CHRNE: variants seen among roughly 807,000 people sequenced by gnomAD.
CHRNE encodes cholinergic receptor nicotinic epsilon subunit, also known as acetylcholine receptor subunit epsilon.
A neutral mutation model predicts 56.5 loss-of-function variants in CHRNE; 58 were observed. The observed-to-expected ratio is 1.03, with a 90% CI of 0.83 to 1.28. The LOEUF (loss-of-function observed/expected upper bound fraction) is 1.28. Among genes scored for constraint, CHRNE ranks in the 50% most tolerant of loss-of-function variants. The probability of loss-of-function intolerance (pLI) is 0.00; values close to 1 mark genes in which losing one functional copy is unlikely to be tolerated. For missense variants in CHRNE, 793 were observed against 688.9 expected (o/e 1.15, Z -1.69); for synonymous variants, 385 against 297.9 (o/e 1.29, Z -3.01).
chr17:4,907,393 G>C (rs1037588399), upstream of CHRNE, among the ~76,000 whole-genome samples: 5 of 150,844 alleles, frequency 3.3e-5, no homozygotes, highest in Admixed American at 2.0e-4. Context: ...GAAACCCCGT[G>C]TCTACTAAAA....
At chr17:4,904,738 G>A (rs1487045287), upstream of CHRNE, among the ~76,000 whole-genome samples, 1 of 152,090 alleles carries the variant, frequency 6.6e-6, no homozygotes, top group African/African-American at 2.4e-5. Flanking sequence ...AAACACTTTC[G>A]GGTCCATCAC....
intron 8 of CHRNE, chr17:4,900,159 G>T (rs1199642397): frequency 1.5e-5 from 24 of 1,548,400 alleles, no homozygotes; most frequent in Non-Finnish European, 2.1e-5. Context: ...GGGTACTGGG[G>T]GGCTTAGGAT....
At chr17:4,904,181 CTTTTT>C (rs931413877), upstream of CHRNE, among the ~76,000 whole-genome samples, 1 of 151,690 alleles carries the variant, frequency 6.6e-6, no homozygotes, top group African/African-American at 2.4e-5. Context: ...TTTTCTGTTT[CTTTTT>C]TTGTTTTTTG....
upstream of CHRNE, among the ~76,000 whole-genome samples, chr17:4,907,057 G>A (rs1970099798): frequency 6.6e-6 from 1 of 152,154 alleles, no homozygotes; most frequent in African/African-American, 2.4e-5. Context: ...GAAGGGTAGT[G>A]GGCAGGTAGG....
chr17:4,903,120 C>T, upstream of CHRNE: 2 of 1,589,648 alleles, frequency 1.3e-6, no homozygotes, highest in Non-Finnish European at 1.7e-6. Flanking sequence ...AGGGGGCATG[C>T]CAGGGTGCCT....
rs762582525 is a variant in CHRNE, at chr17:4,898,876, C to G, written c.1342G>C (p.Val448Leu). ...EATGEEVSDW[V>L]RMGNALDNIC... ...TTGTCAAGGGCATTCCCCATGCGCA[C>G]CCAGTCGGACACTTCCTGGGGAAGG... The change falls in exon 12 of 12, where the codon GTG becomes CTG. Residue 448 changes from valine (V) to leucine (L), a missense_variant. Physicochemically the swap from Val to Leu is conservative, Grantham distance 32. Transcript: ENST00000649488. 6.3e-7 allele frequency: 1 copy of G among 1,582,262 alleles called. No individual in the cohort carries two copies. Among genetic ancestry groups the G allele is most frequent in the South Asian group, 1.1e-5 (1 of 86,964 alleles).
rs763114306 is a variant in CHRNE, at chr17:4,901,538, T to G, written c.588A>C (p.Thr196=). The G allele has an allele frequency of 8.7e-6, 14 of 1,613,994 alleles. No homozygotes were observed. Among genetic ancestry groups the G allele is most frequent in the Admixed American group, 1.7e-5 (1 of 60,008 alleles). The change falls in exon 6 of 12, where the codon ACA becomes ACC. Residue 196 remains threonine (T), a synonymous_variant. Coordinates refer to ENST00000649488, the MANE Select transcript of CHRNE (RefSeq NM_000080.4). ...GKTINKIDID[T]EAYTENGEWA... ...CAGGGGCTTCACCAGTATAGGCCTC[T>G]GTGTCGATGTCGATCTTGTTGATGG...
Position 4,902,380 on chromosome 17 carries a change from C to T in CHRNE, c.235-54G>A. ...GCCCTGCATCTCCCACCTGGCGCTGCCTGGGAGGGGTTTGGGGGAAAAGGG... is the reference window on the plus strand; with the variant it reads ...GCCCTGCATCTCCCACCTGGCGCTGTCTGGGAGGGGTTTGGGGGAAAAGGG... On this transcript the variant is annotated intron_variant, in intron 3 of 11. Coordinates refer to ENST00000649488, the MANE Select transcript of CHRNE (RefSeq NM_000080.4). This position sits in a 1 kb window ranked among gnomAD's most constrained non-coding sequence, Gnocchi z 4.0. The T allele has an allele frequency of 6.2e-7, 1 of 1,613,454 alleles. No individual in the cohort carries two copies. The highest frequency in any genetic ancestry group is 8.5e-7 in the Non-Finnish European group (1 of 1,179,384).
At chr17:4,907,545 T>C (rs1355726311), upstream of CHRNE, among the ~76,000 whole-genome samples, 4 of 121,460 alleles carry the variant, frequency 3.3e-5, no homozygotes, top group Non-Finnish European at 6.4e-5. Context: ...TCCAGCCTGG[T>C]GACAGAGCAA....
chr17:4,901,884 G>GCCC lies in CHRNE; in HGVS notation c.500+45_500+47dup, dbSNP rs113559784. ...TTCCCGGTTGGCCCCGCCCCATAAG[G>GCCC]CCCCCCCCCAACAATAATCGTCCGG... On this transcript the variant is annotated intron_variant, in intron 5 of 11. Transcript: ENST00000649488. 965 of 1,526,096 alleles carry GCCC rather than the reference G, an allele frequency of 6.3e-4. 6 individuals carry two copies. The highest frequency in any genetic ancestry group is 6.0e-3 in the African/African-American group (423 of 70,066). The allele number at this position is 1,526,096 out of a possible 1,614,324, so 94.5% of individuals were successfully genotyped here. A position where few individuals can be genotyped will look rare whatever the true frequency, so the allele number is the denominator to read the frequency against.
Position 4,897,795 on chromosome 17 carries a change from C to A in CHRNE, c.*941G>T, listed in dbSNP as rs1299231687. On this transcript the variant is annotated 3_prime_UTR_variant, in exon 12 of 12. Coordinates refer to ENST00000649488, the MANE Select transcript of CHRNE (RefSeq NM_000080.4). ...ATTTTCTGAAAGCACTTTAATGATT[C>A]CCCTTCCCCCAAACTCCAGGGAATG... The A allele has an allele frequency of 6.6e-6, 1 of 152,646 alleles. No homozygotes were observed. Among genetic ancestry groups the A allele is most frequent in the African/African-American group, 2.4e-5 (1 of 41,422 alleles). The allele number at this position is 152,646 out of a possible 1,614,324, so 9.5% of individuals were successfully genotyped here.
chr17:4,902,339 G>T lies in CHRNE; in HGVS notation c.235-13C>A, dbSNP rs1970019086. On this transcript the variant is annotated splice_polypyrimidine_tract_variant and intron_variant, in intron 3 of 11. Coordinates refer to ENST00000649488, the MANE Select transcript of CHRNE (RefSeq NM_000080.4). The surrounding 1 kb of genome is among the most constrained non-coding windows in gnomAD (Gnocchi z 4.0). ...AATCCTGCCAATCCTAAGGGGTGGGGGATGGAAGGCCGCGTGCCCTGCATC... is the reference window on the plus strand; with the variant it reads ...AATCCTGCCAATCCTAAGGGGTGGGTGATGGAAGGCCGCGTGCCCTGCATC... 2 of 1,613,826 alleles carry T rather than the reference G, an allele frequency of 1.2e-6. No individual in the cohort carries two copies. The highest frequency in any genetic ancestry group is 2.2e-5 in the East Asian group (1 of 44,874).
Position 4,898,679 on chromosome 17 carries a change from A to G in CHRNE, c.*57T>C, listed in dbSNP as rs1969811668. 2 of 1,574,194 alleles carry G rather than the reference A, an allele frequency of 1.3e-6. No individual in the cohort carries two copies. Among genetic ancestry groups the G allele is most frequent in the African/African-American group, 2.7e-5 (2 of 74,532 alleles). ...CATAATGCCGTGGTGGCGGCAGCCTACTTTTTCAAAATCAATTTCCTACTG... is the reference window on the plus strand; with the variant it reads ...CATAATGCCGTGGTGGCGGCAGCCTGCTTTTTCAAAATCAATTTCCTACTG... On this transcript the variant is annotated 3_prime_UTR_variant, in exon 12 of 12. Coordinates refer to ENST00000649488, the MANE Select transcript of CHRNE (RefSeq NM_000080.4).
In CHRNE at chr17:4,898,979, C is replaced by T. The variant is rs369296997; in HGVS notation, c.1326+22G>A. 8.1e-4 allele frequency: 1,037 copies of T among 1,283,932 alleles called. 3 individuals carry two copies. In the African/African-American group the frequency reaches 0.011, roughly 14 times the overall value. 79.5% of individuals were successfully genotyped at this position (1,283,932 alleles called of 1,614,324 possible). A position where few individuals can be genotyped will look rare whatever the true frequency, so the allele number is the denominator to read the frequency against. On this transcript the variant is annotated intron_variant, in intron 11 of 11. Transcript: ENST00000649488. ...GTGGTGGGCCTCTGCCTCGCTCCACCCGCCTCTGGCTCCTGTCCCACCTCG... is the reference window on the plus strand; with the variant it reads ...GTGGTGGGCCTCTGCCTCGCTCCACTCGCCTCTGGCTCCTGTCCCACCTCG...
upstream of CHRNE, among the ~76,000 whole-genome samples, chr17:4,906,615 G>A (rs1970095360): frequency 6.6e-6 from 1 of 152,098 alleles, no homozygotes; most frequent in Admixed American, 6.6e-5. Context: ...ATCACTGGGA[G>A]GCTGAGGTAG....
chr17:4,907,526 C>T (rs573760004), upstream of CHRNE, among the ~76,000 whole-genome samples: 5 of 145,018 alleles, frequency 3.4e-5, no homozygotes, highest in South Asian at 4.4e-4. Context: ...CAAGATCACG[C>T]CACTGCACTC....
chr17:4,900,093 T>G (rs1022784123), intron 8 of CHRNE: 2 of 1,550,696 alleles, frequency 1.3e-6, no homozygotes, highest in Non-Finnish European at 8.7e-7. Flanking sequence ...CTGGGGCTGG[T>G]GTTGAGAGAA....
At chr17:4,906,686 GTAAA>G (rs1037703232), upstream of CHRNE, among the ~76,000 whole-genome samples, 1 of 151,858 alleles carries the variant, frequency 6.6e-6, no homozygotes, top group Non-Finnish European at 1.5e-5. Context: ...GACCTCATCT[GTAAA>G]TAAATAAATA....
At chr17:4,908,622 G>A (rs145612832) in intron 1 of CHRNE, among the ~76,000 whole-genome samples, 77 of 152,204 alleles carry the variant, frequency 5.1e-4, no homozygotes, top group Non-Finnish European at 1.0e-4. Context: ...CTGATGGTTC[G>A]TATTTTCATA....
Sources: allele counts gnomAD v4.1 joint callset (sites outside exome capture counted in the v4.1 genomes callset), GRCh38; gene constraint gnomAD v4.1.1; non-coding constraint Gnocchi (gnomAD v3.1); transcripts MANE v1.5; gene names NCBI Gene and HGNC (gene_info 2026-07-23, HGNC 2026-07-21).